Variants in MTUS2 observed in about 807,000 individuals in gnomAD.
MTUS2 encodes microtubule associated scaffold protein 2.
In MTUS2, 40 loss-of-function variants were observed where a neutral mutation model predicts 114.1. The observed-to-expected ratio is 0.35, with a 90% CI of 0.27 to 0.46. The LOEUF is 0.46. MTUS2 is among the 20% of genes least tolerant of loss of function. The pLI is 1.00. For missense variants in MTUS2, 1,679 were observed against 1,705.4 expected, an observed-to-expected ratio of 0.98 and a Z score of 0.27; for synonymous variants, 688 against 672.0, an observed-to-expected ratio of 1.02 and a Z score of -0.37.
chr13:28,906,876 C>T (rs1880056205), intron 2 of MTUS2, among the ~76,000 whole-genome samples: 1 of 151,462 alleles, frequency 6.6e-6, no homozygotes, highest in African/African-American at 2.4e-5. Context: ...GGCAGGCCAA[C>T]ATTCAGATTC....
At chr13:29,047,725 G>C (rs572644666) in intron 4 of MTUS2, among the ~76,000 whole-genome samples, 1 of 152,216 alleles carries the variant, frequency 6.6e-6, no homozygotes, top group East Asian at 1.9e-4. Flanking sequence ...GTGTTAGCCA[G>C]GATGGTCTCG....
intron 8 of MTUS2, among the ~76,000 whole-genome samples, chr13:29,384,702 G>A (rs1474260900): frequency 6.6e-6 from 1 of 152,172 alleles, no homozygotes; most frequent in East Asian, 1.9e-4. Context: ...TCTCCCCAGG[G>A]TACACACTGC....
chr13:29,211,117 C>T (rs929629445), intron 5 of MTUS2, among the ~76,000 whole-genome samples: 11 of 152,126 alleles, frequency 7.2e-5, no homozygotes, highest in African/African-American at 2.7e-4. Flanking sequence ...ATGTCTGAGC[C>T]CAGACTGTCC....
Position 29,389,233 on chromosome 13 carries a change from GTA to G in MTUS2, c.3117+29762_3117+29763del, listed in dbSNP as rs1491197806. The stretch of plus-strand genomic sequence containing the variant: ...TTTTCAAATATATGTATGTATATAT[GTA>G]TGTGTGTATATATATGTATACACAT... On this transcript the variant is annotated intron_variant, in intron 8 of 15. Transcript: ENST00000612955. 1.0e-4 allele frequency among the ~76,000 whole-genome samples: 15 copies of G among 147,334 alleles called. 1 individual carries two copies. Among genetic ancestry groups the G allele is most frequent in the African/African-American group, 3.3e-4 (13 of 38,898 alleles).
At chr13:29,092,600 G>T (rs1041021044) in intron 4 of MTUS2, among the ~76,000 whole-genome samples, 1 of 152,140 alleles carries the variant, frequency 6.6e-6, no homozygotes, top group Non-Finnish European at 1.5e-5. Flanking sequence ...TGGGCCAGGG[G>T]CACACCTGGC....
intron 5 of MTUS2, among the ~76,000 whole-genome samples, chr13:29,244,738 C>T (rs1017508642): frequency 6.6e-6 from 1 of 151,780 alleles, no homozygotes; most frequent in Non-Finnish European, 1.5e-5. Context: ...GGGCGGATCA[C>T]GAGGTCAGGA....
chr13:29,459,707 A>G (rs973159031), intron 9 of MTUS2, among the ~76,000 whole-genome samples: 5 of 152,098 alleles, frequency 3.3e-5, no homozygotes, highest in Admixed American at 2.6e-4. Flanking sequence ...TAGCATGCAA[A>G]AAATAAAAAT....
chr13:29,174,122 A>G (rs1893673036), intron 5 of MTUS2, among the ~76,000 whole-genome samples: 1 of 152,166 alleles, frequency 6.6e-6, no homozygotes, highest in African/African-American at 2.4e-5. Flanking sequence ...TTTCCTCCTT[A>G]AATCAGCCTT....
At chr13:29,501,050 G>C (rs376350835) in intron 14 of MTUS2, 47 bp from the exon 15 acceptor site, 3 of 1,540,784 alleles carry the variant, frequency 1.9e-6, no homozygotes, top group Non-Finnish European at 2.7e-6. Context: ...GTTTACTCCC[G>C]ATTTTATGGC....
intron 2 of MTUS2, among the ~76,000 whole-genome samples, chr13:28,852,765 T>G (rs1876363463): frequency 6.6e-6 from 1 of 152,116 alleles, no homozygotes; most frequent in African/African-American, 2.4e-5. Flanking sequence ...CTCCGGAGGC[T>G]GAGGAGGGAG....
At chr13:28,954,982 T>G (rs1882988904) in intron 2 of MTUS2, among the ~76,000 whole-genome samples, 1 of 152,138 alleles carries the variant, frequency 6.6e-6, no homozygotes, top group South Asian at 2.1e-4. Flanking sequence ...CAAGGTTCAT[T>G]AGGCACTTCC....
At chr13:28,937,436 T>C (rs1881966437) in intron 2 of MTUS2, among the ~76,000 whole-genome samples, 1 of 152,164 alleles carries the variant, frequency 6.6e-6, no homozygotes, top group Non-Finnish European at 1.5e-5. Context: ...GGCAACCCGC[T>C]GAGGTCCCCT....
intron 5 of MTUS2, among the ~76,000 whole-genome samples, chr13:29,189,861 G>A (rs1410492669): frequency 6.6e-6 from 1 of 152,142 alleles, no homozygotes; most frequent in Non-Finnish European, 1.5e-5. Context: ...ATACATTGAA[G>A]CATTAACCCC....
At chr13:28,964,354 CCT>C (rs998653750) in intron 2 of MTUS2, among the ~76,000 whole-genome samples, 5 of 152,174 alleles carry the variant, frequency 3.3e-5, no homozygotes, top group Admixed American at 3.3e-4. Context: ...TCTACCTGTT[CCT>C]CTCATCTGGT....
At chr13:28,858,681 G>C (rs912501149) in intron 2 of MTUS2, among the ~76,000 whole-genome samples, 5 of 152,162 alleles carry the variant, frequency 3.3e-5, no homozygotes. Flanking sequence ...CATGTACAAG[G>C]CTTGTTGGAA....
At chr13:29,488,095 CTT>C (rs1881766666) in intron 11 of MTUS2, 90 bp downstream of exon 11, 4 of 955,100 alleles carry the variant, frequency 4.2e-6, no homozygotes, top group Non-Finnish European at 6.6e-6. Context: ...CCCTTCCTCT[CTT>C]GTCCCTCCTT....
chr13:29,253,356 G>T (rs1897191020), intron 5 of MTUS2, among the ~76,000 whole-genome samples: 1 of 151,876 alleles, frequency 6.6e-6, no homozygotes, highest in Non-Finnish European at 1.5e-5. Context: ...AACCCAGGAG[G>T]CAGAGGTTTC....
At chr13:29,130,403 C>G (rs1373069578) in intron 5 of MTUS2, among the ~76,000 whole-genome samples, 2 of 152,088 alleles carry the variant, frequency 1.3e-5, no homozygotes, top group Non-Finnish European at 2.9e-5. Context: ...CCGGGCTCAC[C>G]CTTGCTCGAG....
chr13:29,349,630 T>TG (rs558666397), intron 7 of MTUS2, among the ~76,000 whole-genome samples: 167 of 152,294 alleles, frequency 1.1e-3, no homozygotes, highest in Admixed American at 2.2e-3. Context: ...TAAATATTTT[T>TG]GCTTTGTTCA....
Sources: gnomAD v4.1 joint callset for allele counts (sites outside exome capture counted in the v4.1 genomes callset) on GRCh38, gnomAD v4.1.1 for gene constraint, MANE v1.5 for transcripts, NCBI Gene and HGNC (gene_info 2026-07-23, HGNC 2026-07-21) for gene names.